Variants in NDUFAF6 observed in about 807,000 individuals in gnomAD.
NDUFAF6 encodes NADH dehydrogenase (ubiquinone) complex I, assembly factor 6.
A neutral mutation model predicts 40.8 loss-of-function variants in NDUFAF6; 45 were observed. The ratio of observed to expected loss-of-function variants is 1.10; its 90% CI spans 0.87 to 1.42. The LOEUF is 1.42. Ranked by LOEUF, NDUFAF6 falls within the 40% of genes most tolerant of loss-of-function variation. The pLI is 0.00. For missense variants in NDUFAF6, 435 were observed against 418.5 expected, an observed-to-expected ratio of 1.04 and a Z score of -0.34; for synonymous variants, 185 against 155.9, an observed-to-expected ratio of 1.19 and a Z score of -1.39.
intron 5 of NDUFAF6, among the ~76,000 whole-genome samples, 181 bp from the exon 6 acceptor site, chr8:95,046,813 T>C (rs953946811): frequency 1.3e-5 from 2 of 152,244 alleles, no homozygotes; most frequent in African/African-American, 4.8e-5. Flanking sequence ...TTTAGATATC[T>C]GCTAGTGGTA....
chr8:94,957,147 G>A (rs2131456733), upstream of NDUFAF6, among the ~76,000 whole-genome samples: 1 of 152,214 alleles, frequency 6.6e-6, no homozygotes, highest in South Asian at 2.1e-4. Flanking sequence ...ACTCCAGTCT[G>A]GACGACAATG....
At chr8:95,082,817 G>A (rs907458696) in intron 2 of NDUFAF6, among the ~76,000 whole-genome samples, 1 of 152,056 alleles carries the variant, frequency 6.6e-6, no homozygotes, top group Non-Finnish European at 1.5e-5. Context: ...CCGCCACTAC[G>A]CCCGGCTAAT....
intron 2 of NDUFAF6, among the ~76,000 whole-genome samples, chr8:95,081,303 G>T (rs1808860156): frequency 1.3e-5 from 2 of 151,668 alleles, no homozygotes; most frequent in Admixed American, 1.3e-4. Flanking sequence ...CTCTGGAGCC[G>T]TTGGGACTAC....
At chr8:94,964,912 G>T (rs1168247110) in intron 1 of NDUFAF6, among the ~76,000 whole-genome samples, 1 of 152,210 alleles carries the variant, frequency 6.6e-6, no homozygotes, top group Non-Finnish European at 1.5e-5. Context: ...GCATGGTATA[G>T]ATCCCTGCCA....
chr8:94,928,631 ACT>A (rs1820107318), intron 1 of NDUFAF6: 1 of 152,292 alleles, frequency 6.6e-6, no homozygotes, highest in African/African-American at 2.4e-5. Context: ...GGGGAATCTA[ACT>A]CTTGTTCTAA....
intron 1 of NDUFAF6, chr8:94,940,984 C>G: frequency 1.3e-6 from 2 of 1,493,596 alleles, no homozygotes; most frequent in Non-Finnish European, 1.9e-6. Context: ...TCTTTTATAG[C>G]TGAGATTTCA....
intron 1 of NDUFAF6, chr8:94,931,923 TA>T: frequency 2.9e-6 from 2 of 678,356 alleles, no homozygotes; most frequent in South Asian, 4.6e-5. Context: ...TGTGAGCCAA[TA>T]TCACACCATT....
chr8:94,961,444 C>T (rs947687325), intron 1 of NDUFAF6, among the ~76,000 whole-genome samples: 7 of 152,148 alleles, frequency 4.6e-5, no homozygotes, highest in Non-Finnish European at 8.8e-5. Flanking sequence ...TCTTTTGAGA[C>T]GGAGTCTCGC....
At chr8:95,046,335 G>T (rs1830769414) in intron 5 of NDUFAF6, among the ~76,000 whole-genome samples, 2 of 152,206 alleles carry the variant, frequency 1.3e-5, no homozygotes, top group South Asian at 2.1e-4. Flanking sequence ...GTGAGCCACA[G>T]TGCCTGGCCT....
chr8:95,099,872 G>A (rs569526981), upstream of NDUFAF6, among the ~76,000 whole-genome samples: 9 of 152,292 alleles, frequency 5.9e-5, no homozygotes, highest in South Asian at 1.7e-3. Context: ...GCATCTGCAA[G>A]TGCCTATAAA....
intron 2 of NDUFAF6, among the ~76,000 whole-genome samples, chr8:95,017,099 ATTTTTTTTTTT>A (rs781650429): frequency 8.9e-6 from 1 of 111,884 alleles, no homozygotes; most frequent in Non-Finnish European, 1.8e-5. Flanking sequence ...TGCCCAGCTA[ATTTTTTTTTTT>A]TTTTTTTTTT....
At position 95,005,407 on chromosome 8, in the gene NDUFAF6, C is replaced by T. The variant is rs79313170; in HGVS notation, c.-84+24434C>T. ...GGAATACCACAGCAGATTTTTTAAT[C>T]TTCCTTCAACCTTCCATTTTATGGA... is the stretch of plus-strand genomic sequence containing the variant. On this transcript the variant is annotated intron_variant, in intron 2 of 9. Coordinates refer to the NDUFAF6 transcript ENST00000396111. Among the ~76,000 whole-genome samples, 821 of 151,718 alleles carry T rather than the reference C, an allele frequency of 5.4e-3. 4 individuals are homozygous for T. Among genetic ancestry groups the T allele is most frequent in the African/African-American group, 0.019 (777 of 41,324 alleles).
At chr8:94,905,198 G>T (rs1288020677) in intron 1 of NDUFAF6, among the ~76,000 whole-genome samples, 1 of 150,556 alleles carries the variant, frequency 6.6e-6, no homozygotes, top group East Asian at 1.9e-4. Flanking sequence ...TATGTCTCAA[G>T]AAAAAAAAAT....
At position 94,964,446 on chromosome 8, in the gene NDUFAF6, AAGG is replaced by A. The variant is rs1352973506; in HGVS notation, c.-199+6272_-199+6274del. Among the ~76,000 whole-genome samples the A allele has an allele frequency of 7.9e-5, 12 of 151,626 alleles. No individual in the cohort carries two copies. In the East Asian group the frequency reaches 2.1e-3, roughly 27 times the overall value. On this transcript the variant is annotated intron_variant, in intron 1 of 9. Coordinates refer to the NDUFAF6 transcript ENST00000396111. ...CCTGTCTCAAAAAAAAAAAAAAAAA[AAGG>A]AGGAATACCCGAGACTGGGTAATTT...
chr8:95,085,452 G>C (rs574951406), intron 2 of NDUFAF6: 1 of 152,140 alleles, frequency 6.6e-6, no homozygotes, highest in Non-Finnish European at 1.5e-5. Context: ...CCTCAGCCAG[G>C]AGACTCATAA....
intron 2 of NDUFAF6, among the ~76,000 whole-genome samples, chr8:95,016,820 A>G (rs907168856): frequency 4.6e-5 from 7 of 152,198 alleles, no homozygotes; most frequent in Non-Finnish European, 8.8e-5. Context: ...CAGGAGACAG[A>G]AGAAAATAAT....
downstream of NDUFAF6, among the ~76,000 whole-genome samples, chr8:95,108,305 A>G (rs1049150156): frequency 2.6e-5 from 4 of 152,210 alleles, no homozygotes; most frequent in Admixed American, 2.0e-4. Context: ...AAACAACCCA[A>G]ATATCTATTG....
chr8:94,991,340 G>T (rs996811811), intron 2 of NDUFAF6, among the ~76,000 whole-genome samples: 1 of 152,144 alleles, frequency 6.6e-6, no homozygotes, highest in Admixed American at 6.5e-5. Context: ...GAAGATCAGG[G>T]GCTTGTGTTT....
At chr8:95,044,456 T>TC (rs1004839631) in intron 4 of NDUFAF6, 2 of 148,014 alleles carry the variant, frequency 1.4e-5, no homozygotes, top group African/African-American at 2.5e-5. Context: ...ATTTTCTTTT[T>TC]TTTTTTTTTT....
Sources: gnomAD v4.1 joint callset for allele counts (sites outside exome capture counted in the v4.1 genomes callset) on GRCh38, gnomAD v4.1.1 for gene constraint, MANE v1.5 for transcripts, NCBI Gene and HGNC (gene_info 2026-07-23, HGNC 2026-07-21) for gene names.